Variants in REV3L observed in about 807,000 individuals in gnomAD.
REV3L encodes DNA polymerase zeta catalytic subunit.
In REV3L, 69 loss-of-function variants were observed where a neutral mutation model predicts 299.4. That is an observed-to-expected ratio of 0.23 (90% CI 0.19 to 0.28). REV3L has a LOEUF of 0.28. Ranked by LOEUF, REV3L falls within the 10% of genes least tolerant of loss-of-function variation. REV3L has a pLI of 1.00. For missense variants in REV3L, 3,128 were observed against 3,693.8 expected (o/e 0.85, Z 3.97); for synonymous variants, 1,238 against 1,271.4 (o/e 0.97, Z 0.56).
intron 15 of REV3L, among the ~76,000 whole-genome samples, chr6:111,364,240 C>G (rs1351309032): frequency 6.6e-6 from 1 of 152,070 alleles, no homozygotes; most frequent in Admixed American, 6.6e-5. Context: ...CTGAAAATAA[C>G]AGTTTTGTAG....
At chr6:111,406,523 G>A (rs918391819) in intron 3 of REV3L, among the ~76,000 whole-genome samples, 1 of 152,138 alleles carries the variant, frequency 6.6e-6, no homozygotes, top group Non-Finnish European at 1.5e-5. Flanking sequence ...AACTAAGGAT[G>A]GTGGCTATAA....
intron 26 of REV3L, among the ~76,000 whole-genome samples, chr6:111,321,278 A>G (rs1194565137): frequency 6.6e-6 from 1 of 152,154 alleles, no homozygotes; most frequent in Non-Finnish European, 1.5e-5. Flanking sequence ...TATTTTTTGT[A>G]GCTTGACTTC....
chr6:111,324,645 C>A (rs1259353909), intron 25 of REV3L, among the ~76,000 whole-genome samples: 1 of 152,160 alleles, frequency 6.6e-6, no homozygotes, highest in Non-Finnish European at 1.5e-5. Flanking sequence ...CAGAACTCTG[C>A]AGTTACCCCT....
intron 1 of REV3L, among the ~76,000 whole-genome samples, chr6:111,434,386 G>A (rs1386130757): frequency 6.6e-6 from 1 of 151,686 alleles, no homozygotes; most frequent in African/African-American, 2.4e-5. Context: ...AGGCCGAAGT[G>A]GGCGCATCAC....
chr6:111,391,343 G>A, intron 5 of REV3L, among the ~76,000 whole-genome samples: 1 of 152,094 alleles, frequency 6.6e-6, no homozygotes, highest in Non-Finnish European at 1.5e-5. Context: ...TGGAATTACA[G>A]GTGTGAGCCA....
At chr6:111,322,094 T>A (rs538748251) in intron 26 of REV3L, among the ~76,000 whole-genome samples, 48 of 152,326 alleles carry the variant, frequency 3.2e-4, no homozygotes, top group Non-Finnish European at 4.3e-4. Flanking sequence ...AATGGAAAAC[T>A]GTATTTGCCT....
At chr6:111,401,806 C>A (rs1562257166) in intron 4 of REV3L, among the ~76,000 whole-genome samples, 1 of 152,020 alleles carries the variant, frequency 6.6e-6, no homozygotes, top group Non-Finnish European at 1.5e-5. Flanking sequence ...CATATAGCAT[C>A]ATTATTTGAT....
At chr6:111,314,010 G>A (rs1380963719) in intron 27 of REV3L, among the ~76,000 whole-genome samples, 2 of 152,112 alleles carry the variant, frequency 1.3e-5, no homozygotes, top group African/African-American at 2.4e-5. Context: ...GTGTTTAAGC[G>A]GGCTATTCTC....
In REV3L at chr6:111,322,545, A is replaced by G; in HGVS notation, c.8351+24T>C. On this transcript the variant is annotated intron_variant, in intron 26 of 31. Coordinates refer to ENST00000368802, the MANE Select transcript of REV3L (RefSeq NM_001372078.1). ...AAGATCTAGAGAGATGCAAAAGACA[A>G]CTACAAAACCAAAAACCCATTACCT... The G allele has an allele frequency of 1.9e-6, 3 of 1,549,582 alleles. No individual in the cohort carries two copies. The South Asian group carries it at 3.3e-5, about 17-fold the overall frequency.
At chr6:111,458,619 A>G (rs1209498103) in intron 1 of REV3L, among the ~76,000 whole-genome samples, 1 of 152,140 alleles carries the variant, frequency 6.6e-6, no homozygotes, top group Non-Finnish European at 1.5e-5. Flanking sequence ...AAAAATCAGT[A>G]GCATTTCTAC....
In REV3L at chr6:111,299,759, A is replaced by G; in HGVS notation, c.*257T>C. 1.0e-5 allele frequency: 3 copies of G among 288,694 alleles called. No homozygotes were observed. The highest frequency in any genetic ancestry group is 1.9e-5 in the Non-Finnish European group (3 of 155,706). The allele number at this position is 288,694 out of a possible 1,614,324, so 17.9% of individuals were successfully genotyped here. On this transcript the variant is annotated 3_prime_UTR_variant, in exon 32 of 32. Coordinates refer to ENST00000368802, the MANE Select transcript of REV3L (RefSeq NM_001372078.1). ...AATGAATTTACAAGATGGTACACAT[A>G]CTGGAGCAAATCCAACACCTGCATT... is the stretch of plus-strand genomic sequence containing the variant.
intron 1 of REV3L, among the ~76,000 whole-genome samples, chr6:111,452,071 G>A: frequency 6.6e-6 from 1 of 150,802 alleles, no homozygotes; most frequent in African/African-American, 2.5e-5. Flanking sequence ...CTTCACCAAA[G>A]AAGATATGTG....
intron 25 of REV3L, 111 bp from the exon 26 acceptor site, chr6:111,322,789 A>C (rs537423852): frequency 1.3e-6 from 1 of 766,884 alleles, no homozygotes; most frequent in South Asian, 1.9e-5. Flanking sequence ...ATGAAACGAG[A>C]AAAGAACGTA....
chr6:111,304,525 CA>C (rs1162855357), intron 31 of REV3L, among the ~76,000 whole-genome samples: 1 of 151,798 alleles, frequency 6.6e-6, no homozygotes, highest in Non-Finnish European at 1.5e-5. Context: ...GGGAGACATT[CA>C]TTTGAACGTT....
intron 18 of REV3L, chr6:111,353,857 A>C (rs1184231198): frequency 6.6e-6 from 1 of 152,228 alleles, no homozygotes; most frequent in African/African-American, 2.4e-5. Context: ...TCTTAGTCCA[A>C]AGACAGACTA....
At chr6:111,403,496 C>G (rs1783308202) in intron 4 of REV3L, among the ~76,000 whole-genome samples, 1 of 152,082 alleles carries the variant, frequency 6.6e-6, no homozygotes, top group Non-Finnish European at 1.5e-5. Context: ...ATTTTGGTTC[C>G]TCTTGCAATA....
At position 111,329,426 on chromosome 6, in the gene REV3L, C is replaced by T. The variant is rs1048456971; in HGVS notation, c.8241+106G>A. 18 of 1,012,628 alleles carry T rather than the reference C, an allele frequency of 1.8e-5. No homozygotes were observed. The Middle Eastern group carries it at 6.4e-4, about 36-fold the overall frequency. The allele number at this position is 1,012,628 out of a possible 1,614,324, so 62.7% of individuals were successfully genotyped here. On this transcript the variant is annotated intron_variant, in intron 25 of 31. Coordinates refer to ENST00000368802, the MANE Select transcript of REV3L (RefSeq NM_001372078.1). Reference sequence around the variant, plus strand: ...GATTCAACTCTGGGCTGAAGACCCCCGCACCACATCTTAGCTTCCAAAGTA... The same window carrying T: ...GATTCAACTCTGGGCTGAAGACCCCTGCACCACATCTTAGCTTCCAAAGTA...
chr6:111,366,818 T>C (rs1051465665), intron 14 of REV3L, among the ~76,000 whole-genome samples: 14 of 152,086 alleles, frequency 9.2e-5, no homozygotes, highest in African/African-American at 3.4e-4. Flanking sequence ...TTTGTTTCTG[T>C]TTTAAAATGT....
At chr6:111,446,799 T>TA (rs1788910278) in intron 1 of REV3L, among the ~76,000 whole-genome samples, 2 of 152,136 alleles carry the variant, frequency 1.3e-5, no homozygotes, top group Non-Finnish European at 2.9e-5. Context: ...TCTCCTTTTG[T>TA]AAAGCCTTAG....
Sources: allele counts gnomAD v4.1 joint callset (sites outside exome capture counted in the v4.1 genomes callset), GRCh38; gene constraint gnomAD v4.1.1; transcripts MANE v1.5; gene names NCBI Gene and HGNC (gene_info 2026-07-23, HGNC 2026-07-21).